Variants in ZNF723 observed in about 807,000 individuals in gnomAD.
ZNF723 encodes zinc finger protein 723.
ZNF723 carries 5 observed loss-of-function variants against 9.4 expected under a neutral mutation model. The observed-to-expected ratio is 0.53, with a 90% CI of 0.28 to 1.12. ZNF723 has a LOEUF of 1.12. ZNF723 is among the 50% of genes most tolerant of loss of function. The probability of loss-of-function intolerance (pLI) is 0.10; values close to 1 mark genes in which losing one functional copy is unlikely to be tolerated. For synonymous variants in ZNF723, 158 were observed against 168.8 expected (o/e 0.94, Z 0.49); for missense variants, 450 against 501.5 (o/e 0.90, Z 0.98).
At chr19:22,833,056 AAAAT>A (rs1385519070) in intron 1 of ZNF723, among the ~76,000 whole-genome samples, 1 of 152,196 alleles carries the variant, frequency 6.6e-6, no homozygotes, top group Admixed American at 6.5e-5. Context: ...TAATTTTTTA[AAAAT>A]AAATAAATGC....
chr19:22,854,686 C>T (rs183712705), intron 3 of ZNF723, among the ~76,000 whole-genome samples: 11 of 152,092 alleles, frequency 7.2e-5, no homozygotes, highest in African/African-American at 2.7e-4. Context: ...TTGGGGATTA[C>T]ACAAAACCTC....
At chr19:22,812,994 G>A in the ZNF723 span, among the ~76,000 whole-genome samples, 1 of 151,272 alleles carries the variant, frequency 6.6e-6, no homozygotes, top group East Asian at 1.9e-4. Context: ...TTGTTTTTGT[G>A]ACAGAGTCTC....
intron 1 of ZNF723, among the ~76,000 whole-genome samples, chr19:22,834,110 T>C (rs181387613): frequency 1.7e-3 from 252 of 150,846 alleles, no homozygotes; most frequent in Non-Finnish European, 3.2e-3. Flanking sequence ...GAGACGGGGT[T>C]TCACCATGTT....
At chr19:22,824,094 G>C in the ZNF723 span, among the ~76,000 whole-genome samples, 1 of 152,180 alleles carries the variant, frequency 6.6e-6, no homozygotes. Flanking sequence ...GCTTAAACTA[G>C]CACATAAATT....
At chr19:22,851,906 C>A (rs1967401881) in intron 3 of ZNF723, among the ~76,000 whole-genome samples, 1 of 152,132 alleles carries the variant, frequency 6.6e-6, no homozygotes, top group African/African-American at 2.4e-5. Flanking sequence ...CCTGCCTCAG[C>A]CTCCGGAATA....
chr19:22,829,440 C>T (rs1967070645), upstream of ZNF723, among the ~76,000 whole-genome samples: 1 of 152,070 alleles, frequency 6.6e-6, no homozygotes, highest in African/African-American at 2.4e-5. Context: ...CACCTGCTAT[C>T]ATGCCCGGCT....
At chr19:22,841,023 A>G (rs1043002265) in intron 1 of ZNF723, 4 of 152,418 alleles carry the variant, frequency 2.6e-5, no homozygotes, top group African/African-American at 9.7e-5. Context: ...CTGTGTGTCA[A>G]TGGCAGATAG....
intron 1 of ZNF723, among the ~76,000 whole-genome samples, chr19:22,844,986 G>T (rs1967290243): frequency 6.6e-6 from 1 of 152,160 alleles, no homozygotes; most frequent in Non-Finnish European, 1.5e-5. Flanking sequence ...GGGCATGGTG[G>T]CAGGCGCCTG....
intron 1 of ZNF723, among the ~76,000 whole-genome samples, chr19:22,841,217 A>C (rs1448856160): frequency 3.3e-5 from 5 of 152,248 alleles, no homozygotes; most frequent in Non-Finnish European, 7.3e-5. Flanking sequence ...ATGTTGCAGA[A>C]TTAACCTCCT....
chr19:22,855,661 G>A (rs1967467220), intron 3 of ZNF723, among the ~76,000 whole-genome samples: 1 of 152,056 alleles, frequency 6.6e-6, no homozygotes, highest in Non-Finnish European at 1.5e-5. Context: ...ATTTTTGGCA[G>A]GACAGATTTG....
intron 1 of ZNF723, 89 bp from the exon 2 acceptor site, chr19:22,848,172 T>G (rs1967340297): frequency 3.7e-6 from 2 of 534,268 alleles, no homozygotes; most frequent in Non-Finnish European, 3.3e-6. Flanking sequence ...TTCTCTTTAC[T>G]CTCTCATTTC....
intron 1 of ZNF723, among the ~76,000 whole-genome samples, chr19:22,841,139 AAGAT>A (rs1967240279): frequency 6.6e-6 from 1 of 152,224 alleles, no homozygotes; most frequent in East Asian, 1.9e-4. Flanking sequence ...AATAGCCAAA[AAGAT>A]AACACCCTAT....
chr19:22,830,139 T>G (rs1006059528), upstream of ZNF723, among the ~76,000 whole-genome samples: 2 of 148,112 alleles, frequency 1.4e-5, no homozygotes, highest in African/African-American at 4.9e-5. Context: ...TCAGCTTTTC[T>G]TTCAAATTAT....
the ZNF723 span, among the ~76,000 whole-genome samples, chr19:22,812,981 G>T: frequency 6.9e-6 from 1 of 144,184 alleles, no homozygotes; most frequent in African/African-American, 2.5e-5. Context: ...TTTTTGTTTT[G>T]TTTTGTTTTT....
chr19:22,851,081 G>A (rs1318450839), intron 3 of ZNF723, among the ~76,000 whole-genome samples: 1 of 152,066 alleles, frequency 6.6e-6, no homozygotes, highest in Non-Finnish European at 1.5e-5. Context: ...TACAGAAGAA[G>A]TTTAAGGGTT....
the ZNF723 span, among the ~76,000 whole-genome samples, chr19:22,816,124 G>A: frequency 6.6e-6 from 1 of 152,240 alleles, no homozygotes; most frequent in African/African-American, 2.4e-5. Context: ...AAATGTCTCA[G>A]AGCATATTGT....
At chr19:22,818,865 G>C in the ZNF723 span, among the ~76,000 whole-genome samples, 1 of 152,102 alleles carries the variant, frequency 6.6e-6, no homozygotes, top group African/African-American at 2.4e-5. Flanking sequence ...GCCCAGATAT[G>C]CCATTGTGCT....
the ZNF723 span, among the ~76,000 whole-genome samples, chr19:22,820,762 G>A: frequency 9.9e-5 from 15 of 152,140 alleles, no homozygotes; most frequent in African/African-American, 2.4e-4. Context: ...CGGCACACAC[G>A]TGATACGGTG....
the ZNF723 span, among the ~76,000 whole-genome samples, chr19:22,825,688 T>G: frequency 1.3e-5 from 2 of 152,254 alleles, no homozygotes; most frequent in Non-Finnish European, 2.9e-5. Context: ...CTCCCATGTC[T>G]GGGCCCTGCC....
Sources: allele counts gnomAD v4.1 joint callset (sites outside exome capture counted in the v4.1 genomes callset), GRCh38; gene constraint gnomAD v4.1.1; transcripts MANE v1.5; gene names NCBI Gene and HGNC (gene_info 2026-07-23, HGNC 2026-07-21).